Variants in HK2 observed in about 807,000 individuals in gnomAD.
HK2 encodes hexokinase 2, also known as hexokinase-2.
A neutral mutation model predicts 92.9 loss-of-function variants in HK2; 42 were observed. That is an observed-to-expected ratio of 0.45 (90% CI 0.35 to 0.58). HK2 has a LOEUF of 0.58. HK2 is among the 20% of genes least tolerant of loss of function. The probability of loss-of-function intolerance (pLI) is 0.00; values close to 1 mark genes in which losing one functional copy is unlikely to be tolerated. For synonymous variants in HK2, 422 were observed against 468.0 expected (o/e 0.90, Z 1.27); for missense variants, 978 against 1,245.1 (o/e 0.79, Z 3.23).
chr2:74,879,176 C>T (rs1689319099), intron 9 of HK2, among the ~76,000 whole-genome samples: 1 of 152,170 alleles, frequency 6.6e-6, no homozygotes, highest in Non-Finnish European at 1.5e-5. Flanking sequence ...GCTGGACACT[C>T]TCTTTGCCAC....
chr2:74,850,220 A>G (rs1688534113), intron 1 of HK2, among the ~76,000 whole-genome samples: 1 of 152,228 alleles, frequency 6.6e-6, no homozygotes, highest in Non-Finnish European at 1.5e-5. Context: ...TTAGTCTGGA[A>G]TGGATCCTTG....
chr2:74,846,859 CATA>C (rs1185609353), intron 1 of HK2, among the ~76,000 whole-genome samples: 1 of 152,178 alleles, frequency 6.6e-6, no homozygotes, highest in Non-Finnish European at 1.5e-5. Flanking sequence ...CGAAAGTAGT[CATA>C]ATAAGGCCCC....
chr2:74,871,214 C>T lies in HK2; in HGVS notation c.376-1086C>T, dbSNP rs188023179. Among the ~76,000 whole-genome samples, 12 of 152,300 alleles carry T rather than the reference C, an allele frequency of 7.9e-5. No homozygotes were observed. In the East Asian group the frequency reaches 2.3e-3, roughly 29 times the overall value. ...TAGACCCTAGAATGTACATTTCTAA[C>T]ATGTTCCCAGGTTAAGGGAGTGAGG... is the stretch of plus-strand genomic sequence containing the variant. On this transcript the variant is annotated intron_variant, in intron 3 of 17. Coordinates refer to ENST00000290573, the MANE Select transcript of HK2 (RefSeq NM_000189.5).
At chr2:74,883,975 T>C (rs3771755) in intron 12 of HK2, among the ~76,000 whole-genome samples, 99,337 of 152,066 alleles carry the variant, frequency 0.65, 32,765 homozygotes, top group Middle Eastern at 0.76. Flanking sequence ...GAAATGGTAA[T>C]CTCTTTATAA....
At chr2:74,858,715 C>T (rs1268499962) in intron 2 of HK2, among the ~76,000 whole-genome samples, 7 of 152,218 alleles carry the variant, frequency 4.6e-5, no homozygotes, top group Admixed American at 4.6e-4. Flanking sequence ...GAGTGAAGAC[C>T]AGGCCCCAGC....
chr2:74,889,167 G>C, intron 16 of HK2, 78 bp from the exon 17 acceptor site: 2 of 1,199,052 alleles, frequency 1.7e-6, no homozygotes, highest in East Asian at 5.0e-5. Context: ...TCCCCTGTAA[G>C]GACTCAGGCC....
chr2:74,866,801 G>A (rs1474532757), intron 2 of HK2, among the ~76,000 whole-genome samples: 2 of 152,154 alleles, frequency 1.3e-5, no homozygotes, highest in Non-Finnish European at 2.9e-5. Flanking sequence ...ATAAGCCTGA[G>A]ATCCTTTGAG....
rs946319671 is a variant in HK2 at position 74,874,525 on chromosome 2, G to T, written c.875+76G>T. 9.9e-6 allele frequency: 14 copies of T among 1,420,428 alleles called. No individual in the cohort carries two copies. In the South Asian group the frequency reaches 1.2e-4, roughly 12 times the overall value. The allele number at this position is 1,420,428 out of a possible 1,614,324, so 88.0% of individuals were successfully genotyped here. On this transcript the variant is annotated intron_variant, in intron 7 of 17. Transcript: ENST00000290573. ...GTCTGGGGCTGGTCGGGGCCAGGGG[G>T]TTGTTTCTTTACAGTCTTACATCCC...
intron 2 of HK2, among the ~76,000 whole-genome samples, chr2:74,859,847 C>A (rs1354948564): frequency 1.3e-5 from 2 of 152,174 alleles, no homozygotes; most frequent in Non-Finnish European, 2.9e-5. Flanking sequence ...GAAAAGAAAT[C>A]ATACCAAAAA....
At chr2:74,889,065 A>G (rs905610478) in intron 16 of HK2, among the ~76,000 whole-genome samples, 180 bp from the exon 17 acceptor site, 7 of 152,194 alleles carry the variant, frequency 4.6e-5, no homozygotes, top group Admixed American at 3.3e-4. Context: ...GGAAGAGTCA[A>G]TGCAGTGCAG....
At chr2:74,838,424 A>G (rs1688221731) in intron 1 of HK2, among the ~76,000 whole-genome samples, 1 of 152,186 alleles carries the variant, frequency 6.6e-6, no homozygotes, top group Non-Finnish European at 1.5e-5. Flanking sequence ...CCTGAGGCCA[A>G]AGCATGACCT....
chr2:74,849,768 G>A (rs1383743169), intron 1 of HK2, among the ~76,000 whole-genome samples: 1 of 152,122 alleles, frequency 6.6e-6, no homozygotes, highest in Non-Finnish European at 1.5e-5. Flanking sequence ...TGTCATGTGG[G>A]GCTATTCATC....
intron 16 of HK2, 136 bp downstream of exon 16, chr2:74,888,194 G>A: frequency 4.5e-6 from 4 of 892,950 alleles, no homozygotes; most frequent in Non-Finnish European, 7.1e-6. Context: ...CATGTCTATA[G>A]TGTTTACTAA....
chr2:74,880,840 T>C (rs533757076), intron 10 of HK2, among the ~76,000 whole-genome samples: 11 of 152,338 alleles, frequency 7.2e-5, no homozygotes, highest in African/African-American at 2.6e-4. Flanking sequence ...TTAAAAAATA[T>C]TAGCAGTTAA....
rs750079147 is a variant in HK2 at position 74,867,742 on chromosome 2, C to G, written c.333C>G (p.Ile111Met). 6.2e-7 allele frequency: 1 copy of G among 1,614,174 alleles called. No homozygotes were observed. Among genetic ancestry groups the G allele is most frequent in the Non-Finnish European group, 8.5e-7 (1 of 1,180,028 alleles). Residue 111 changes from isoleucine (I) to methionine (M), a missense_variant, in exon 3 of 18, where the codon ATC becomes ATG. By Grantham distance (10) the Ile-to-Met change is conservative (BLOSUM62 1). Transcript: ENST00000290573. ...GLQKVEMENQ[I>M]YAIPEDIMRG... ...AGAAGGTGGAGATGGAGAATCAGAT[C>G]TATGCCATCCCTGAGGACATCATGC...
At chr2:74,850,147 A>T (rs1688532813) in intron 1 of HK2, among the ~76,000 whole-genome samples, 1 of 152,230 alleles carries the variant, frequency 6.6e-6, no homozygotes, top group Non-Finnish European at 1.5e-5. Context: ...TTATTGGCAT[A>T]TTGGAAACCT....
At chr2:74,853,948 G>A (rs1688631687) in intron 1 of HK2, among the ~76,000 whole-genome samples, 2 of 152,062 alleles carry the variant, frequency 1.3e-5, no homozygotes, top group South Asian at 2.1e-4. Context: ...GTCAGGTGCT[G>A]GGGGAACAAG....
At chr2:74,848,378 TACCATTTTA>T (rs1359229132) in intron 1 of HK2, among the ~76,000 whole-genome samples, 1 of 152,252 alleles carries the variant, frequency 6.6e-6, no homozygotes, top group East Asian at 1.9e-4. Flanking sequence ...TCACAAAATT[TACCATTTTA>T]ACCATTTTAA....
chr2:74,839,659 ATT>A (rs10675736), intron 1 of HK2, among the ~76,000 whole-genome samples: 6 of 143,218 alleles, frequency 4.2e-5, no homozygotes, highest in Admixed American at 7.0e-5. Context: ...GCCAAAGTCA[ATT>A]TTTTTTTTTT....
Sources: gnomAD v4.1 joint callset for allele counts (sites outside exome capture counted in the v4.1 genomes callset) on GRCh38, gnomAD v4.1.1 for gene constraint, MANE v1.5 for transcripts, NCBI Gene and HGNC (gene_info 2026-07-23, HGNC 2026-07-21) for gene names.